ADGRB3: variants seen among roughly 807,000 people sequenced by gnomAD.
The protein encoded by ADGRB3 is brain-specific angiogenesis inhibitor 3.
In ADGRB3, 37 loss-of-function variants were observed where a neutral mutation model predicts 193.4. That is an observed-to-expected ratio of 0.19 (90% CI 0.15 to 0.25). The LOEUF is 0.25. Among genes scored for constraint, ADGRB3 ranks in the 10% least tolerant of loss-of-function variants. The pLI, the probability that ADGRB3 is intolerant of heterozygous loss-of-function variation, is 1.00. For missense variants in ADGRB3, 1,637 were observed against 1,852.9 expected (o/e 0.88, Z 2.14); for synonymous variants, 690 against 644.2 (o/e 1.07, Z -1.08).
chr6:68,919,588 A>T (rs760862774), intron 3 of ADGRB3, among the ~76,000 whole-genome samples: 11 of 152,312 alleles, frequency 7.2e-5, no homozygotes, highest in Non-Finnish European at 7.3e-5. Context: ...GAGGATGAAG[A>T]GTCACTAAGG....
At chr6:68,864,810 A>G (rs533427814) in intron 3 of ADGRB3, among the ~76,000 whole-genome samples, 19 of 152,294 alleles carry the variant, frequency 1.2e-4, no homozygotes, top group Non-Finnish European at 2.6e-4. Flanking sequence ...GGCTTGAAGC[A>G]TTAGTGTTTT....
intron 17 of ADGRB3, among the ~76,000 whole-genome samples, chr6:69,213,596 C>A (rs992161186): frequency 2.6e-5 from 4 of 152,150 alleles, no homozygotes; most frequent in Non-Finnish European, 5.9e-5. Context: ...TATTTAGACT[C>A]CATCTCTAGC....
intron 20 of ADGRB3, among the ~76,000 whole-genome samples, chr6:69,254,879 C>T (rs1766718628): frequency 7.7e-6 from 1 of 129,688 alleles, no homozygotes. Flanking sequence ...CACAACAGTC[C>T]CCAGAGTGTG....
chr6:69,318,637 G>A (rs995247400), intron 20 of ADGRB3, among the ~76,000 whole-genome samples: 1 of 151,178 alleles, frequency 6.6e-6, no homozygotes, highest in African/African-American at 2.4e-5. Flanking sequence ...TTTGGATGTT[G>A]CTTACATTTG....
chr6:69,320,457 T>C (rs1303098714), intron 20 of ADGRB3, among the ~76,000 whole-genome samples: 7 of 151,624 alleles, frequency 4.6e-5, no homozygotes, highest in Admixed American at 2.0e-4. Flanking sequence ...TTTTATCTTA[T>C]TCCCTCCTCT....
At chr6:68,836,248 G>A (rs1350671905) in intron 3 of ADGRB3, among the ~76,000 whole-genome samples, 1 of 151,960 alleles carries the variant, frequency 6.6e-6, no homozygotes, top group Non-Finnish European at 1.5e-5. Flanking sequence ...CACACACCTA[G>A]ATCTTGTCTT....
rs546270504 is a variant in ADGRB3, at chr6:69,375,897, C to T, written c.4275+3456C>T. Among the ~76,000 whole-genome samples, 4 of 151,914 alleles carry T rather than the reference C, an allele frequency of 2.6e-5. No homozygotes were observed. In the East Asian group the frequency reaches 7.8e-4, roughly 30 times the overall value. ...GGTGGAGATTGCAGTGAACCAAGAT[C>T]GTGCCGCTGCCCTCCAGTCTGGACA... On this transcript the variant is annotated intron_variant, in intron 30 of 31. Transcript: ENST00000370598.
At chr6:69,143,336 G>A (rs1774393033) in intron 17 of ADGRB3, among the ~76,000 whole-genome samples, 1 of 151,862 alleles carries the variant, frequency 6.6e-6, no homozygotes, top group Admixed American at 6.6e-5. Context: ...TCTTTGGGTT[G>A]TCTCTTCACT....
At chr6:69,130,157 C>G (rs1329051640) in intron 17 of ADGRB3, among the ~76,000 whole-genome samples, 8 of 152,026 alleles carry the variant, frequency 5.3e-5, no homozygotes, top group Admixed American at 6.6e-5. Flanking sequence ...TCTTCTTGCT[C>G]TGTCCTCACA....
At chr6:68,800,460 A>G (rs1767290120) in intron 3 of ADGRB3, among the ~76,000 whole-genome samples, 1 of 152,152 alleles carries the variant, frequency 6.6e-6, no homozygotes, top group East Asian at 1.9e-4. Flanking sequence ...ATCAGCATAT[A>G]TTTAGATGAG....
At chr6:69,181,412 A>AT (rs1161019265) in intron 17 of ADGRB3, among the ~76,000 whole-genome samples, 2 of 152,060 alleles carry the variant, frequency 1.3e-5, no homozygotes, top group Admixed American at 6.5e-5. Context: ...TTCATAACTC[A>AT]TTTTTTTGTT....
chr6:69,016,873 A>G (rs570263277), intron 12 of ADGRB3, among the ~76,000 whole-genome samples: 1 of 152,002 alleles, frequency 6.6e-6, no homozygotes, highest in African/African-American at 2.4e-5. Context: ...ACAAAAAAAT[A>G]AGCCTCTTAT....
At position 69,097,449 on chromosome 6, in the gene ADGRB3, GA is replaced by G. The variant is rs148329440; in HGVS notation, c.2480+21413del. On this transcript the variant is annotated intron_variant, in intron 17 of 31. Transcript: ENST00000370598. Reference sequence around the variant, plus strand: ...CAATTCCTCTGGTATCATTAAATAAGAAGGATTTTCTGGGTACAAATGCAAT... The same window carrying G: ...CAATTCCTCTGGTATCATTAAATAAGAGGATTTTCTGGGTACAAATGCAAT... Among the ~76,000 whole-genome samples, 1,514 of 152,208 alleles carry G rather than the reference GA, an allele frequency of 9.9e-3. 23 individuals are homozygous for G. The highest frequency in any genetic ancestry group is 0.034 in the African/African-American group (1,420 of 41,534).
At chr6:69,194,774 G>A (rs1032569456) in intron 17 of ADGRB3, among the ~76,000 whole-genome samples, 1 of 152,044 alleles carries the variant, frequency 6.6e-6, no homozygotes, top group African/African-American at 2.4e-5. Flanking sequence ...CTCTGCCTAG[G>A]TTTGAAACCA....
intron 20 of ADGRB3, among the ~76,000 whole-genome samples, chr6:69,304,381 T>G (rs1768019344): frequency 6.6e-6 from 1 of 151,614 alleles, no homozygotes; most frequent in East Asian, 1.9e-4. Context: ...TTTGAAGACT[T>G]GCAGAGAAAC....
intron 20 of ADGRB3, among the ~76,000 whole-genome samples, chr6:69,277,314 T>G (rs1767324260): frequency 6.6e-6 from 1 of 152,092 alleles, no homozygotes; most frequent in Non-Finnish European, 1.5e-5. Flanking sequence ...TTCTTAAGCC[T>G]CTACTCCATC....
chr6:68,679,257 C>T (rs1214104454), intron 3 of ADGRB3, among the ~76,000 whole-genome samples: 2 of 152,136 alleles, frequency 1.3e-5, no homozygotes, highest in East Asian at 3.8e-4. Context: ...TTATTTCTTG[C>T]TCATGTAACA....
intron 3 of ADGRB3, among the ~76,000 whole-genome samples, chr6:68,693,582 A>G (rs1053022406): frequency 6.6e-6 from 1 of 151,986 alleles, no homozygotes; most frequent in Non-Finnish European, 1.5e-5. Context: ...TGTTAAAGTC[A>G]AATAGTTTCT....
chr6:69,043,290 G>GAGAAAGA (rs1554252055), intron 13 of ADGRB3, among the ~76,000 whole-genome samples: 6 of 88,032 alleles, frequency 6.8e-5, no homozygotes, highest in African/African-American at 2.8e-4. Context: ...GGAAGAAAGA[G>GAGAAAGA]AGAAAGAAAG....
Sources: gnomAD v4.1 joint callset for allele counts (sites outside exome capture counted in the v4.1 genomes callset) on GRCh38, gnomAD v4.1.1 for gene constraint, MANE v1.5 for transcripts, NCBI Gene and HGNC (gene_info 2026-07-23, HGNC 2026-07-21) for gene names.